The following NUDT2 variants were observed in gnomAD, a reference collection of about 807,000 sequenced individuals.
The protein encoded by NUDT2 is bis(5'-nucleosyl)-tetraphosphatase [asymmetrical].
A neutral mutation model predicts 14.2 loss-of-function variants in NUDT2; 12 were observed. That is an observed-to-expected ratio of 0.84 (90% CI 0.54 to 1.37). The LOEUF (loss-of-function observed/expected upper bound fraction) is 1.37. Among genes scored for constraint, NUDT2 ranks in the 40% most tolerant of loss-of-function variants. The pLI, the probability that NUDT2 is intolerant of heterozygous loss-of-function variation, is 0.00. For synonymous variants in NUDT2, 67 were observed against 67.4 expected, an observed-to-expected ratio of 0.99 and a Z score of 0.03; for missense variants, 167 against 176.7, an observed-to-expected ratio of 0.95 and a Z score of 0.31.
intron 1 of NUDT2, among the ~76,000 whole-genome samples, chr9:34,333,712 T>C (rs1186212962): frequency 2.0e-5 from 3 of 150,964 alleles, no homozygotes; most frequent in Non-Finnish European, 4.4e-5. Flanking sequence ...TTTATAAATC[T>C]TGTCTGTCCT....
chr9:34,341,367 A>G (rs903112566), intron 4 of NUDT2, among the ~76,000 whole-genome samples: 12 of 152,334 alleles, frequency 7.9e-5, no homozygotes, highest in African/African-American at 2.9e-4. Flanking sequence ...AGTATCACCC[A>G]TCACTACTAG....
intron 1 of NUDT2, among the ~76,000 whole-genome samples, chr9:34,330,791 C>G (rs1007382162): frequency 1.3e-5 from 2 of 152,028 alleles, no homozygotes; most frequent in Admixed American, 1.3e-4. Flanking sequence ...GAAACCCCGT[C>G]TCTACTAAAA....
At chr9:34,332,807 A>C (rs1000409862) in intron 1 of NUDT2, among the ~76,000 whole-genome samples, 1 of 152,152 alleles carries the variant, frequency 6.6e-6, no homozygotes, top group Non-Finnish European at 1.5e-5. Context: ...CAATTTATTC[A>C]TGGTAGTTGG....
intron 1 of NUDT2, among the ~76,000 whole-genome samples, chr9:34,329,851 T>G (rs1219808851): frequency 1.4e-5 from 2 of 139,632 alleles, no homozygotes; most frequent in Non-Finnish European, 3.1e-5. Flanking sequence ...GGAGTGGGGA[T>G]AGGGTGGGTC....
At chr9:34,334,264 A>G (rs1838029298) in intron 1 of NUDT2, among the ~76,000 whole-genome samples, 1 of 152,056 alleles carries the variant, frequency 6.6e-6, no homozygotes. Flanking sequence ...AGCCGAGAAT[A>G]TTTTTCCTTA....
chr9:34,343,048 AT>A, intron 4 of NUDT2, 75 bp from the exon 5 acceptor site: 1 of 1,396,872 alleles, frequency 7.2e-7, no homozygotes, highest in Non-Finnish European at 9.8e-7. Flanking sequence ...AAAAAAAAAA[AT>A]CTTGTCTGGA....
At chr9:34,336,730 G>C (rs1468504827) in intron 2 of NUDT2, among the ~76,000 whole-genome samples, 1 of 151,884 alleles carries the variant, frequency 6.6e-6, no homozygotes, top group Non-Finnish European at 1.5e-5. Flanking sequence ...TTTTTTGAGA[G>C]ACAAGGTCTC....
In NUDT2 at chr9:34,339,275, G is replaced by A. The variant is rs1838176183; in HGVS notation, c.127+109G>A. 5.9e-6 allele frequency: 8 copies of A among 1,361,818 alleles called. No homozygotes were observed. In the South Asian group the frequency reaches 1.1e-4, roughly 18 times the overall value. 84.4% of individuals were successfully genotyped at this position (1,361,818 alleles called of 1,614,324 possible). On this transcript the variant is annotated intron_variant, in intron 4 of 4. Transcript: ENST00000379158. ...TTCCCAGTGACTGTGTAGCAAAAAGGGGTAGGGAAGGTAGGAGCTCTTGAC... is the reference window on the plus strand; with the variant it reads ...TTCCCAGTGACTGTGTAGCAAAAAGAGGTAGGGAAGGTAGGAGCTCTTGAC...
At chr9:34,336,961 A>G (rs144587562) in intron 2 of NUDT2, among the ~76,000 whole-genome samples, 1,631 of 151,592 alleles carry the variant, frequency 0.011, 7 homozygotes, top group Non-Finnish European at 0.017. Flanking sequence ...TTGATATTGC[A>G]AACAAAGTTG....
Position 34,343,374 on chromosome 9 carries a change from T to A in NUDT2, c.378T>A (p.Ala126=). 9 of 1,613,970 alleles carry A rather than the reference T, an allele frequency of 5.6e-6. No individual in the cohort carries two copies. The highest frequency in any genetic ancestry group is 7.6e-6 in the Non-Finnish European group (9 of 1,179,952). ...WLGLEEACQL[A]QFKEMKAALQ... ...GGCTGGAGGAGGCCTGCCAGTTGGC[T>A]CAGTTCAAGGAGATGAAGGCAGCGC... Residue 126 remains alanine, a synonymous_variant, in exon 5 of 5, where the codon GCT becomes GCA. Transcript: ENST00000379158.
chr9:34,340,450 C>T (rs917205447), intron 4 of NUDT2, among the ~76,000 whole-genome samples: 2 of 152,124 alleles, frequency 1.3e-5, no homozygotes, highest in Admixed American at 6.6e-5. Flanking sequence ...ATTATGGAGA[C>T]CTTGAGATTG....
At chr9:34,334,053 A>G (rs1405330602) in intron 1 of NUDT2, among the ~76,000 whole-genome samples, 1 of 152,210 alleles carries the variant, frequency 6.6e-6, no homozygotes, top group East Asian at 1.9e-4. Context: ...GGGATATTAG[A>G]ATATGGAGAA....
chr9:34,342,736 G>C lies in NUDT2; in HGVS notation c.128-388G>C, dbSNP rs115909736. 4.9e-3 allele frequency among the ~76,000 whole-genome samples: 751 copies of C among 152,184 alleles called. 5 individuals carry two copies. Among genetic ancestry groups the C allele is most frequent in the African/African-American group, 0.017 (706 of 41,518 alleles). On this transcript the variant is annotated intron_variant, in intron 4 of 4. Transcript: ENST00000379158. ...CAACACCTAGAAAAGTCACTGAATG[G>C]CTGGGTGTGGTGGCTCATACCTGTA...
intron 1 of NUDT2, among the ~76,000 whole-genome samples, chr9:34,331,703 A>T (rs1278069905): frequency 6.6e-6 from 1 of 152,246 alleles, no homozygotes; most frequent in Non-Finnish European, 1.5e-5. Context: ...ATTTTAAAAA[A>T]GTAAATTCCC....
rs141924472 is a variant in NUDT2, at chr9:34,339,106, G to T, written c.67G>T (p.Ala23Ser). The change falls in exon 4 of 5, where the codon GCA becomes TCA. Residue 23 changes from alanine (A) to serine (S), a missense_variant. Ala to Ser is a moderately conservative substitution (Grantham distance 99). Coordinates refer to ENST00000379158, the MANE Select transcript of NUDT2 (RefSeq NM_001161.5). Reference protein sequence around the residue: ...RCLIPKVDNNAIEFLLLQASD... With the variant: ...RCLIPKVDNNSIEFLLLQASD... Reference sequence around the variant, plus strand: ...CCTCATTCCCAAAGTGGACAACAATGCAATTGAGTTTTTACTGCTGCAGGC... The same window carrying T: ...CCTCATTCCCAAAGTGGACAACAATTCAATTGAGTTTTTACTGCTGCAGGC... 8.7e-6 allele frequency: 14 copies of T among 1,614,046 alleles called. No individual in the cohort carries two copies. The African/African-American group carries it at 1.7e-4, about 20-fold the overall frequency.
Position 34,343,326 on chromosome 9 carries a change from GCACCA to G in NUDT2, c.331_335del (p.His111SerfsTer38). ...ACGTGGAGATCCGCCTCTCCCATGA[GCACCA>G]AGCCTACCGCTGGCTGGGGCTGGAG... On this transcript the variant is annotated frameshift_variant, in exon 5 of 5. Transcript: ENST00000379158. LOFTEE classifies it high-confidence loss of function. 6.2e-7 allele frequency: 1 copy of G among 1,613,784 alleles called. No individual in the cohort carries two copies. Among genetic ancestry groups the G allele is most frequent in the Non-Finnish European group, 8.5e-7 (1 of 1,179,972 alleles).
chr9:34,339,224 C>T, intron 4 of NUDT2, 58 bp downstream of exon 4: 1 of 1,582,970 alleles, frequency 6.3e-7, no homozygotes, highest in Non-Finnish European at 8.6e-7. Flanking sequence ...AGAAATCTAC[C>T]CTGCCAGGCC....
At chr9:34,332,468 ATATC>A (rs1311220578) in intron 1 of NUDT2, among the ~76,000 whole-genome samples, 4 of 152,192 alleles carry the variant, frequency 2.6e-5, no homozygotes, top group Admixed American at 6.5e-5. Flanking sequence ...ATTCAGCTTC[ATATC>A]TATCTGTCAA....
At chr9:34,335,897 A>C (rs1171841329) in intron 1 of NUDT2, among the ~76,000 whole-genome samples, 1 of 151,978 alleles carries the variant, frequency 6.6e-6, no homozygotes, top group Non-Finnish European at 1.5e-5. Flanking sequence ...TGGCTAACCC[A>C]GGCTTGTCTT....
Sources: gnomAD v4.1 joint callset for allele counts (sites outside exome capture counted in the v4.1 genomes callset) on GRCh38, gnomAD v4.1.1 for gene constraint, MANE v1.5 for transcripts, NCBI Gene and HGNC (gene_info 2026-07-23, HGNC 2026-07-21) for gene names.